Variants in INSL6 observed in about 807,000 individuals in gnomAD.
The protein encoded by INSL6 is insulin-like peptide INSL6.
INSL6 carries 16 observed loss-of-function variants against 9.4 expected under a neutral mutation model. The ratio of observed to expected loss-of-function variants is 1.70; its 90% CI spans 1.15 to 2.59. INSL6 has a LOEUF of 2.59. Ranked by LOEUF, INSL6 falls within the 30% of genes most tolerant of loss-of-function variation. The pLI is 0.00. For missense variants in INSL6, 391 were observed against 257.3 expected (o/e 1.52, Z -3.56); for synonymous variants, 154 against 96.9 (o/e 1.59, Z -3.46).
At chr9:5,058,839 T>C in the INSL6 span, among the ~76,000 whole-genome samples, 1 of 152,200 alleles carries the variant, frequency 6.6e-6, no homozygotes, top group African/African-American at 2.4e-5. Flanking sequence ...TATATCTTCT[T>C]TGAAGAAATA....
At chr9:5,081,724 G>A in the INSL6 span, 1 of 1,586,394 alleles carries the variant, frequency 6.3e-7, no homozygotes, top group Non-Finnish European at 8.7e-7. Context: ...TATTTCTCCA[G>A]ATTATGAACT....
the INSL6 span, among the ~76,000 whole-genome samples, chr9:5,068,796 C>G: frequency 2.0e-5 from 3 of 152,174 alleles, no homozygotes; most frequent in Non-Finnish European, 2.9e-5. Context: ...TGCCTTCTTA[C>G]ATGCTTTTTC....
intron 2 of INSL6, among the ~76,000 whole-genome samples, chr9:5,154,793 T>G (rs1477716987): frequency 2.6e-5 from 4 of 152,198 alleles, no homozygotes; most frequent in Non-Finnish European, 1.5e-5. Flanking sequence ...ACACACCAGT[T>G]AGAATGGCAA....
At chr9:5,088,674 C>A in the INSL6 span, among the ~76,000 whole-genome samples, 1 of 152,132 alleles carries the variant, frequency 6.6e-6, no homozygotes, top group African/African-American at 2.4e-5. Context: ...ATTCCAGGGC[C>A]TGGAAAGTCT....
At chr9:5,085,453 T>G in the INSL6 span, 4 of 735,132 alleles carry the variant, frequency 5.4e-6, no homozygotes, top group African/African-American at 5.2e-5. Context: ...CTTGAAGGTC[T>G]TTTCAAGGTA....
chr9:5,089,324 G>C, the INSL6 span, among the ~76,000 whole-genome samples: 2 of 152,024 alleles, frequency 1.3e-5, no homozygotes, highest in Non-Finnish European at 2.9e-5. Flanking sequence ...GGATCACCAG[G>C]TCAGGAGATC....
the INSL6 span, among the ~76,000 whole-genome samples, chr9:4,999,700 T>A: frequency 2.0e-5 from 3 of 152,048 alleles, no homozygotes; most frequent in Non-Finnish European, 4.4e-5. Flanking sequence ...CCACCCATCT[T>A]GGCCTCCCAA....
the INSL6 span, chr9:5,078,211 T>C: frequency 9.9e-7 from 1 of 1,014,638 alleles, no homozygotes; most frequent in Non-Finnish European, 1.4e-6. Flanking sequence ...ATCATGTATT[T>C]TTCTTCTTTA....
intron 1 of INSL6, among the ~76,000 whole-genome samples, chr9:5,179,927 GC>G (rs1825408372): frequency 1.3e-5 from 2 of 152,268 alleles, no homozygotes; most frequent in Admixed American, 1.3e-4. Flanking sequence ...GATGATCTGT[GC>G]AGCAAACCAC....
At chr9:5,162,304 A>C (rs1824944538), downstream of INSL6, among the ~76,000 whole-genome samples, 1 of 152,198 alleles carries the variant, frequency 6.6e-6, no homozygotes, top group African/African-American at 2.4e-5. Context: ...TCATTAGTGC[A>C]ATTTTAAATA....
At chr9:5,080,473 A>T in the INSL6 span, 1 of 1,541,764 alleles carries the variant, frequency 6.5e-7, no homozygotes, top group East Asian at 2.3e-5. Flanking sequence ...TCTAATTTTA[A>T]AAAGAAGGTT....
chr9:5,047,830 G>A, the INSL6 span, among the ~76,000 whole-genome samples: 2 of 151,992 alleles, frequency 1.3e-5, no homozygotes. Flanking sequence ...CAAACACCTG[G>A]CTTCAAATGA....
At chr9:5,022,600 G>A in the INSL6 span, among the ~76,000 whole-genome samples, 4 of 152,160 alleles carry the variant, frequency 2.6e-5, no homozygotes. Flanking sequence ...TTAAATGGCT[G>A]ACAAACCATC....
At chr9:5,142,388 T>C (rs939504386) in intron 2 of INSL6, among the ~76,000 whole-genome samples, 1 of 152,234 alleles carries the variant, frequency 6.6e-6, no homozygotes, top group African/African-American at 2.4e-5. Flanking sequence ...TCTGATTTCT[T>C]TGAGCAGTTG....
At position 5,163,911 on chromosome 9, in the gene INSL6, G is replaced by T. The variant is rs749448578; in HGVS notation, c.*2C>A. The T allele has an allele frequency of 1.7e-5, 27 of 1,549,966 alleles. No homozygotes were observed. In the South Asian group the frequency reaches 3.1e-4, roughly 18 times the overall value. ...ATTAGGTTAGAAAAAATTCTAAGAT[G>T]GTTAGTATATCTTAGTTACAAGTGA... On this transcript the variant is annotated 3_prime_UTR_variant, in exon 2 of 2. Coordinates refer to ENST00000381641, the MANE Select transcript of INSL6 (RefSeq NM_007179.3).
chr9:5,110,956 G>T, the INSL6 span: 2 of 596,596 alleles, frequency 3.4e-6, no homozygotes, highest in Non-Finnish European at 6.3e-6. Context: ...CACGGACAAG[G>T]AGCTCAGTAA....
At chr9:5,063,566 T>C in the INSL6 span, among the ~76,000 whole-genome samples, 1 of 152,216 alleles carries the variant, frequency 6.6e-6, no homozygotes, top group Non-Finnish European at 1.5e-5. Flanking sequence ...CTCTGGTATT[T>C]GTTGGTATCT....
chr9:5,106,167 A>G, the INSL6 span, among the ~76,000 whole-genome samples: 3 of 152,348 alleles, frequency 2.0e-5, no homozygotes, highest in South Asian at 6.2e-4. Flanking sequence ...CCCATCAGAC[A>G]AAGGGCTAAT....
the INSL6 span, chr9:5,108,526 C>A: frequency 6.6e-6 from 1 of 152,072 alleles, no homozygotes. Flanking sequence ...TGTATTATGG[C>A]CTTTATAGTA....
Sources: allele counts gnomAD v4.1 joint callset (sites outside exome capture counted in the v4.1 genomes callset), GRCh38; gene constraint gnomAD v4.1.1; transcripts MANE v1.5; gene names NCBI Gene and HGNC (gene_info 2026-07-23, HGNC 2026-07-21).